The following CADM1 variants were observed in gnomAD, a reference collection of about 807,000 sequenced individuals.
The protein encoded by CADM1 is TSLC-1.
A neutral mutation model predicts 53.1 loss-of-function variants in CADM1; 15 were observed. That is an observed-to-expected ratio of 0.28 (90% CI 0.19 to 0.44). The LOEUF is 0.44. Ranked by LOEUF, CADM1 falls within the 20% of genes least tolerant of loss-of-function variation. The pLI, the probability that CADM1 is intolerant of heterozygous loss-of-function variation, is 1.00. For synonymous variants in CADM1, 281 were observed against 243.0 expected, an observed-to-expected ratio of 1.16 and a Z score of -1.45; for missense variants, 434 against 611.3, an observed-to-expected ratio of 0.71 and a Z score of 3.06.
intron 1 of CADM1, among the ~76,000 whole-genome samples, chr11:115,402,175 A>G (rs1947174496): frequency 6.6e-6 from 1 of 152,236 alleles, no homozygotes; most frequent in Non-Finnish European, 1.5e-5. Flanking sequence ...ATATACTTGG[A>G]AAAACAATGT....
intron 1 of CADM1, among the ~76,000 whole-genome samples, chr11:115,252,495 A>G (rs931191460): frequency 1.1e-4 from 17 of 152,256 alleles, no homozygotes; most frequent in African/African-American, 3.4e-4. Context: ...TATCTTTATC[A>G]AACATTTATA....
intron 5 of CADM1, among the ~76,000 whole-genome samples, chr11:115,223,971 A>AGAG (rs1470723432): frequency 0.073 from 1,237 of 16,856 alleles, 17 homozygotes; most frequent in African/African-American, 0.17. Flanking sequence ...AAAAAAAAAA[A>AGAG]AAAGAGAGAG....
chr11:115,275,585 C>G (rs1943422653), intron 1 of CADM1, among the ~76,000 whole-genome samples: 2 of 152,136 alleles, frequency 1.3e-5, no homozygotes, highest in African/African-American at 2.4e-5. Flanking sequence ...TAATTGTTGG[C>G]TCTTTAATTC....
chr11:115,343,663 ACAT>A (rs1339038821), intron 1 of CADM1, among the ~76,000 whole-genome samples: 1 of 151,856 alleles, frequency 6.6e-6, no homozygotes, highest in Non-Finnish European at 1.5e-5. Flanking sequence ...CAGATTATAC[ACAT>A]CATTTATCCT....
At chr11:115,461,675 A>C (rs1032305672) in intron 1 of CADM1, among the ~76,000 whole-genome samples, 3 of 152,306 alleles carry the variant, frequency 2.0e-5, no homozygotes, top group African/African-American at 4.8e-5. Context: ...GAACCTGTTG[A>C]GGGACTTGCT....
intron 1 of CADM1, among the ~76,000 whole-genome samples, chr11:115,420,530 C>T (rs1042395959): frequency 4.6e-5 from 7 of 152,254 alleles, no homozygotes; most frequent in South Asian, 2.1e-4. Flanking sequence ...CCATTGGTTA[C>T]GATGGTGTCC....
At chr11:115,319,536 C>T (rs190783690) in intron 1 of CADM1, among the ~76,000 whole-genome samples, 1 of 152,068 alleles carries the variant, frequency 6.6e-6, no homozygotes, top group East Asian at 1.9e-4. Context: ...AATTATATTC[C>T]CATTTACTCA....
chr11:115,297,416 C>T (rs924690395), intron 1 of CADM1, among the ~76,000 whole-genome samples: 1 of 152,110 alleles, frequency 6.6e-6, no homozygotes, highest in Admixed American at 6.6e-5. Context: ...GTAATGAAGC[C>T]CTGGATACCT....
Position 115,429,771 on chromosome 11 carries a change from A to T in CADM1, c.124+74500T>A, listed in dbSNP as rs371938893. Among the ~76,000 whole-genome samples the T allele has an allele frequency of 5.7e-4, 87 of 152,286 alleles. No homozygotes were observed. In the South Asian group the frequency reaches 0.011, roughly 19 times the overall value. On this transcript the variant is annotated intron_variant, in intron 1 of 11. Transcript: ENST00000331581. ...CATGAGGTTACAAAAAATAATAAAAAATTAGAAGTAGATAATGTGATTTTA... is the reference window on the plus strand; with the variant it reads ...CATGAGGTTACAAAAAATAATAAAATATTAGAAGTAGATAATGTGATTTTA...
At chr11:115,191,579 G>A (rs992386358) in intron 9 of CADM1, among the ~76,000 whole-genome samples, 1 of 152,174 alleles carries the variant, frequency 6.6e-6, no homozygotes, top group Admixed American at 6.5e-5. Flanking sequence ...TAATCAAATC[G>A]GGGCTTGAAA....
intron 1 of CADM1, among the ~76,000 whole-genome samples, chr11:115,322,757 T>A (rs1944856950): frequency 6.6e-6 from 1 of 152,210 alleles, no homozygotes; most frequent in Non-Finnish European, 1.5e-5. Context: ...GTTTAATGGT[T>A]GCGTAATATT....
chr11:115,259,341 G>T (rs1248266184), intron 1 of CADM1, among the ~76,000 whole-genome samples: 15 of 106,542 alleles, frequency 1.4e-4, no homozygotes, highest in Non-Finnish European at 5.2e-5. Flanking sequence ...AGTCTTGCTT[G>T]GTTGCCCAGG....
intron 1 of CADM1, among the ~76,000 whole-genome samples, chr11:115,326,272 TA>T (rs1202762215): frequency 1.3e-5 from 2 of 152,170 alleles, no homozygotes; most frequent in African/African-American, 4.8e-5. Flanking sequence ...TTAATTAACT[TA>T]AAATTAACAC....
Position 115,223,572 on chromosome 11 carries a change from C to T in CADM1, c.721+5541G>A, listed in dbSNP as rs577601686. On this transcript the variant is annotated intron_variant, in intron 5 of 11. Coordinates refer to ENST00000331581, the MANE Select transcript of CADM1 (RefSeq NM_001301043.2). Reference sequence around the variant, plus strand: ...AGGTGGTTCTTAGTAAAACAGGCCTCTTTCTGCAGGGTATGCATTCAGAAG... The same window carrying T: ...AGGTGGTTCTTAGTAAAACAGGCCTTTTTCTGCAGGGTATGCATTCAGAAG... Among the ~76,000 whole-genome samples, 3 of 152,230 alleles carry T rather than the reference C, an allele frequency of 2.0e-5. No homozygotes were observed. The South Asian group carries it at 6.2e-4, about 32-fold the overall frequency.
At chr11:115,334,043 T>C (rs1945199320) in intron 1 of CADM1, among the ~76,000 whole-genome samples, 1 of 152,180 alleles carries the variant, frequency 6.6e-6, no homozygotes, top group African/African-American at 2.4e-5. Flanking sequence ...GCCTGTTTCT[T>C]GCAGCTGCAT....
At chr11:115,411,498 A>C (rs1947458813) in intron 1 of CADM1, among the ~76,000 whole-genome samples, 1 of 152,222 alleles carries the variant, frequency 6.6e-6, no homozygotes, top group South Asian at 2.1e-4. Context: ...GTTAAGAATT[A>C]GGAGAGCCTT....
chr11:115,474,199 G>A (rs952251025), intron 1 of CADM1, among the ~76,000 whole-genome samples: 5 of 148,516 alleles, frequency 3.4e-5, no homozygotes, highest in Admixed American at 6.8e-5. Flanking sequence ...GCTGAGGCAG[G>A]AGAATGGCGT....
At chr11:115,257,027 C>G (rs1396002446) in intron 1 of CADM1, 2 of 383,944 alleles carry the variant, frequency 5.2e-6, no homozygotes, top group African/African-American at 4.1e-5. Flanking sequence ...CAGTTAAGCC[C>G]TCACAATTGT....
chr11:115,250,647 T>C (rs1023062071), intron 1 of CADM1, among the ~76,000 whole-genome samples: 5 of 152,260 alleles, frequency 3.3e-5, no homozygotes, highest in African/African-American at 1.2e-4. Flanking sequence ...GGATATTCTT[T>C]TAATCATCTG....
Sources: allele counts gnomAD v4.1 joint callset (sites outside exome capture counted in the v4.1 genomes callset), GRCh38; gene constraint gnomAD v4.1.1; transcripts MANE v1.5; gene names NCBI Gene and HGNC (gene_info 2026-07-23, HGNC 2026-07-21).